TPH2: variants seen among roughly 807,000 people sequenced by gnomAD.
TPH2 encodes the protein tryptophan hydroxylase 2.
TPH2 carries 27 observed loss-of-function variants against 59.1 expected under a neutral mutation model. That is an observed-to-expected ratio of 0.46 (90% confidence interval 0.34 to 0.63). The LOEUF (loss-of-function observed/expected upper bound fraction) is 0.63, where lower values mean the gene tolerates loss of function less well. Among genes scored for constraint, TPH2 ranks in the 30% least tolerant of loss-of-function variants. TPH2 has a pLI of 0.01. For missense variants in TPH2, 523 were observed against 588.3 expected, an observed-to-expected ratio of 0.89 and a Z score of 1.15; for synonymous variants, 220 against 210.5, an observed-to-expected ratio of 1.05 and a Z score of -0.39.
chr12:71,962,712 TA>T (rs1871720297), intron 5 of TPH2: 4 of 969,258 alleles, frequency 4.1e-6, no homozygotes, highest in East Asian at 1.1e-4. Context: ...TAACAAATAT[TA>T]TTTTTTTGTT....
At chr12:71,992,892 C>T (rs187920184) in intron 7 of TPH2, among the ~76,000 whole-genome samples, 91 of 152,224 alleles carry the variant, frequency 6.0e-4, no homozygotes, top group Non-Finnish European at 7.8e-4. Flanking sequence ...ATTTAAATGC[C>T]CCTATACCCT....
At position 72,031,374 on chromosome 12, in the gene TPH2, A is replaced by T; in HGVS notation, c.1281A>T (p.Glu427Asp). 1 of 1,613,726 alleles carries T rather than the reference A, an allele frequency of 6.2e-7. No homozygotes were observed. Among genetic ancestry groups the T allele is most frequent in the Non-Finnish European group, 8.5e-7 (1 of 1,179,642 alleles). The change falls in exon 10 of 11, where the codon GAA becomes GAT. Residue 427 changes from glutamate to aspartate, a missense_variant. Transcript: ENST00000333850. ...EAYFVSESFE[E>D]AKEKMRDFAK... ...ACTTTGTTTCAGAAAGTTTTGAAGA[A>T]GCCAAAGAAAAGATGAGGTAAACTT...
intron 7 of TPH2, among the ~76,000 whole-genome samples, chr12:71,985,843 C>A (rs1410905853): frequency 2.6e-5 from 4 of 152,122 alleles, no homozygotes; most frequent in Admixed American, 2.6e-4. Context: ...CCTGCCCTCC[C>A]CTTTGATCTT....
chr12:72,006,095 T>C (rs969386035), intron 8 of TPH2, among the ~76,000 whole-genome samples: 2 of 152,182 alleles, frequency 1.3e-5, no homozygotes, highest in Non-Finnish European at 2.9e-5. Flanking sequence ...TCCTGAGCTG[T>C]GCAGCACAGG....
chr12:72,008,771 A>G (rs189335005), intron 8 of TPH2, among the ~76,000 whole-genome samples: 336 of 152,150 alleles, frequency 2.2e-3, no homozygotes, highest in Admixed American at 3.6e-3. Flanking sequence ...ACTTCTCAGG[A>G]GTTTAGGGTG....
chr12:72,029,949 C>G (rs1051855296), intron 9 of TPH2, among the ~76,000 whole-genome samples: 1 of 152,090 alleles, frequency 6.6e-6, no homozygotes, highest in Non-Finnish European at 1.5e-5. Context: ...CTCCAGGAAA[C>G]CTTAGCTGTT....
chr12:71,996,024 C>T (rs190688057), intron 8 of TPH2, among the ~76,000 whole-genome samples: 7 of 152,324 alleles, frequency 4.6e-5, no homozygotes, highest in African/African-American at 1.7e-4. Context: ...TCTATTATAT[C>T]ATAATTTCTA....
intron 7 of TPH2, among the ~76,000 whole-genome samples, chr12:71,992,932 A>G (rs942421908): frequency 6.6e-6 from 1 of 152,234 alleles, no homozygotes; most frequent in African/African-American, 2.4e-5. Flanking sequence ...TCTTTGCCAT[A>G]AGCAATGTGA....
At chr12:72,007,857 T>G (rs1372951636) in intron 8 of TPH2, among the ~76,000 whole-genome samples, 1 of 152,138 alleles carries the variant, frequency 6.6e-6, no homozygotes, top group Non-Finnish European at 1.5e-5. Context: ...CATTGGATTT[T>G]GCTTCTTTGG....
intron 5 of TPH2, among the ~76,000 whole-genome samples, chr12:71,968,357 G>C (rs780065728): frequency 6.6e-6 from 1 of 152,210 alleles, no homozygotes; most frequent in Non-Finnish European, 1.5e-5. Flanking sequence ...ACTGGATGGC[G>C]TGGGACTTTT....
At chr12:71,939,955 G>A (rs1163486241) in intron 1 of TPH2, among the ~76,000 whole-genome samples, 1 of 152,154 alleles carries the variant, frequency 6.6e-6, no homozygotes, top group Admixed American at 6.6e-5. Flanking sequence ...CTCCAAATAT[G>A]TGCCAGAGGG....
intron 4 of TPH2, among the ~76,000 whole-genome samples, chr12:71,949,155 AT>A (rs886071489): frequency 1.3e-5 from 2 of 152,214 alleles, no homozygotes; most frequent in African/African-American, 4.8e-5. Flanking sequence ...TTTATAATAA[AT>A]GTCACATTTA....
At chr12:71,996,231 A>T (rs1872692187) in intron 8 of TPH2, among the ~76,000 whole-genome samples, 1 of 152,238 alleles carries the variant, frequency 6.6e-6, no homozygotes, top group South Asian at 2.1e-4. Flanking sequence ...TACTTATGAC[A>T]TAGCCACTGG....
chr12:72,018,527 T>C (rs1873319316), intron 8 of TPH2, among the ~76,000 whole-genome samples: 1 of 152,162 alleles, frequency 6.6e-6, no homozygotes, highest in Admixed American at 6.5e-5. Flanking sequence ...GACCATGAAT[T>C]ATGTATGCAT....
chr12:71,987,581 G>C (rs888617418), intron 7 of TPH2, among the ~76,000 whole-genome samples: 2 of 152,152 alleles, frequency 1.3e-5, no homozygotes, highest in African/African-American at 4.8e-5. Flanking sequence ...GGGTGCGGTG[G>C]CTCACGCCTG....
Position 71,979,061 on chromosome 12 carries a change from C to G in TPH2, c.915C>G (p.Gly305=), listed in dbSNP as rs1592395916. 1 of 1,614,164 alleles carries G rather than the reference C, an allele frequency of 6.2e-7. No homozygotes were observed. The highest frequency in any genetic ancestry group is 8.5e-7 in the Non-Finnish European group (1 of 1,180,014). The part of the protein sequence containing the change: ...VFHCTQYIRH[G]SDPLYTPEPD... ...ACTGTACCCAGTACATCCGGCATGG[C>G]TCAGATCCCCTCTACACCCCAGAAC... Residue 305 remains glycine, a synonymous_variant, in exon 7 of 11, where the codon GGC becomes GGG. Coordinates refer to ENST00000333850, the MANE Select transcript of TPH2 (RefSeq NM_173353.4).
At chr12:71,968,509 T>A (rs915436181) in intron 5 of TPH2, among the ~76,000 whole-genome samples, 2 of 152,166 alleles carry the variant, frequency 1.3e-5, no homozygotes, top group South Asian at 2.1e-4. Context: ...CTCCCAGGCC[T>A]CCAGACACTC....
At chr12:72,004,315 G>A (rs1198859112) in intron 8 of TPH2, among the ~76,000 whole-genome samples, 2 of 150,430 alleles carry the variant, frequency 1.3e-5, no homozygotes, top group Non-Finnish European at 2.9e-5. Context: ...ACTGCCCAAT[G>A]TTGAATAAAG....
chr12:72,018,394 C>A (rs1485542032), intron 8 of TPH2, among the ~76,000 whole-genome samples: 2 of 152,146 alleles, frequency 1.3e-5, no homozygotes, highest in Non-Finnish European at 2.9e-5. Context: ...TTGATGCAGA[C>A]CTACCTTTTA....
Sources: gnomAD v4.1 joint callset for allele counts (sites outside exome capture counted in the v4.1 genomes callset) on GRCh38, gnomAD v4.1.1 for gene constraint, MANE v1.5 for transcripts, NCBI Gene and HGNC (gene_info 2026-07-23, HGNC 2026-07-21) for gene names.